ROBO1: variants seen among roughly 807,000 people sequenced by gnomAD.
ROBO1 encodes roundabout guidance receptor 1, also known as roundabout homolog 1.
In ROBO1, 149 loss-of-function variants were observed where a neutral mutation model predicts 195.9. The ratio of observed to expected loss-of-function variants is 0.76; its 90% CI spans 0.67 to 0.87. The LOEUF (loss-of-function observed/expected upper bound fraction) is 0.87, where lower values mean the gene tolerates loss of function less well. ROBO1 is among the 40% of genes least tolerant of loss of function. The pLI is 0.00. For missense variants in ROBO1, 1,933 were observed against 2,068.3 expected, an observed-to-expected ratio of 0.93 and a Z score of 1.27; for synonymous variants, 816 against 733.2, an observed-to-expected ratio of 1.11 and a Z score of -1.82.
intron 4 of ROBO1, among the ~76,000 whole-genome samples, chr3:78,889,506 C>CT (rs1301684428): frequency 6.6e-6 from 1 of 152,150 alleles, no homozygotes; most frequent in Non-Finnish European, 1.5e-5. Context: ...TAGACACAGT[C>CT]TTACAGTGAT....
rs187300337 is a variant in ROBO1, at chr3:79,026,286, T to C, written c.173-87359A>G. On this transcript the variant is annotated intron_variant, in intron 3 of 30. Transcript: ENST00000464233. ...CAATTATTTTTATTATCTCATTTTA[T>C]ACATGAAGGGTAAGCATAAATTTGA... 8.5e-5 allele frequency among the ~76,000 whole-genome samples: 13 copies of C among 152,252 alleles called. No homozygotes were observed. The Middle Eastern group carries it at 0.01, about 120-fold the overall frequency.
rs1249641265 is a variant in ROBO1, at chr3:78,968,335, T to C, written c.173-29408A>G. ...TGTCTCCCAGGCTGGAATGCAGTGG[T>C]GCGATCTTGGCTCACTGCAACCTCT... On this transcript the variant is annotated intron_variant, in intron 3 of 30. Coordinates refer to ENST00000464233, the MANE Select transcript of ROBO1 (RefSeq NM_002941.4). 3.4e-5 allele frequency among the ~76,000 whole-genome samples: 5 copies of C among 147,930 alleles called. No homozygotes were observed. In the South Asian group the frequency reaches 8.7e-4, roughly 26 times the overall value.
chr3:79,164,517 C>T (rs149688854), intron 2 of ROBO1, among the ~76,000 whole-genome samples: 7 of 152,238 alleles, frequency 4.6e-5, no homozygotes, highest in Non-Finnish European at 8.8e-5. Flanking sequence ...CATCTTGATC[C>T]AGCCCACCAT....
intron 1 of ROBO1, among the ~76,000 whole-genome samples, chr3:79,686,638 T>C (rs1230019488): frequency 6.6e-6 from 1 of 151,952 alleles, no homozygotes; most frequent in Non-Finnish European, 1.5e-5. Flanking sequence ...GAGAATAAAA[T>C]ACCTAGGAAT....
intron 28 of ROBO1, among the ~76,000 whole-genome samples, chr3:78,608,020 T>TAC (rs56715450): frequency 0.32 from 47,716 of 149,702 alleles, 7,934 homozygotes; most frequent in Admixed American, 0.4. Flanking sequence ...TAATTTCATT[T>TAC]ACACACACAC....
At chr3:78,901,449 A>C (rs1054264213) in intron 4 of ROBO1, among the ~76,000 whole-genome samples, 1 of 152,220 alleles carries the variant, frequency 6.6e-6, no homozygotes, top group Non-Finnish European at 1.5e-5. Context: ...TTTACTTTAA[A>C]ATATAGTAAA....
chr3:78,718,577 A>T (rs1479688719), intron 5 of ROBO1, among the ~76,000 whole-genome samples: 3 of 152,052 alleles, frequency 2.0e-5, no homozygotes, highest in Non-Finnish European at 4.4e-5. Context: ...ATGTAAGCAG[A>T]CATACAGTAT....
At chr3:79,496,212 C>CAAAA (rs751339145) in intron 2 of ROBO1, among the ~76,000 whole-genome samples, 5 of 56,240 alleles carry the variant, frequency 8.9e-5, no homozygotes, top group Admixed American at 2.2e-4. Context: ...GACTCTGTCT[C>CAAAA]AAAAAAAAAA....
chr3:79,686,905 G>A (rs1947132974), intron 1 of ROBO1, among the ~76,000 whole-genome samples: 1 of 152,080 alleles, frequency 6.6e-6, no homozygotes, highest in Non-Finnish European at 1.5e-5. Context: ...AGCCCACATT[G>A]CCAAGTCAAT....
chr3:79,144,154 G>C (rs2080592393), intron 2 of ROBO1, among the ~76,000 whole-genome samples: 1 of 151,976 alleles, frequency 6.6e-6, no homozygotes, highest in Admixed American at 6.6e-5. Flanking sequence ...GAATAAAGCT[G>C]CTATAAATAT....
At chr3:79,330,638 C>T in intron 2 of ROBO1, among the ~76,000 whole-genome samples, 1 of 137,484 alleles carries the variant, frequency 7.3e-6, no homozygotes. Context: ...TATGGCCTGC[C>T]AAGCCTAAAA....
intron 2 of ROBO1, among the ~76,000 whole-genome samples, chr3:79,474,429 G>T (rs1218892514): frequency 1.3e-5 from 2 of 152,024 alleles, no homozygotes; most frequent in Non-Finnish European, 2.9e-5. Context: ...ATATGCCTCA[G>T]TTCCTTCCTT....
intron 1 of ROBO1, among the ~76,000 whole-genome samples, chr3:79,723,053 G>C (rs1484171690): frequency 6.6e-6 from 1 of 152,136 alleles, no homozygotes; most frequent in Non-Finnish European, 1.5e-5. Context: ...CATGAACCAT[G>C]GCTATTTTTG....
intron 4 of ROBO1, among the ~76,000 whole-genome samples, chr3:78,788,429 T>TC (rs1369854813): frequency 2.8e-5 from 3 of 106,820 alleles, no homozygotes; most frequent in Non-Finnish European, 6.1e-5. Flanking sequence ...CTCTTTTCTT[T>TC]TTTTTTTTTT....
chr3:79,318,009 A>T (rs1249144651), intron 2 of ROBO1, among the ~76,000 whole-genome samples: 2 of 152,198 alleles, frequency 1.3e-5, no homozygotes, highest in Non-Finnish European at 2.9e-5. Context: ...CCAATGTCCT[A>T]GTCTGAGTCC....
At chr3:79,448,632 T>C (rs1488899701) in intron 2 of ROBO1, among the ~76,000 whole-genome samples, 1 of 152,200 alleles carries the variant, frequency 6.6e-6, no homozygotes, top group Non-Finnish European at 1.5e-5. Flanking sequence ...CTCACCGCGA[T>C]ATGAGCTTGA....
At chr3:79,229,728 T>A (rs981336631) in intron 2 of ROBO1, among the ~76,000 whole-genome samples, 2 of 152,162 alleles carry the variant, frequency 1.3e-5, no homozygotes, top group Non-Finnish European at 2.9e-5. Flanking sequence ...CCAGTGCTCA[T>A]GTTTGAAAGT....
chr3:79,485,020 G>A (rs1389423232), intron 2 of ROBO1, among the ~76,000 whole-genome samples: 1 of 151,846 alleles, frequency 6.6e-6, no homozygotes, highest in African/African-American at 2.4e-5. Context: ...CCAAAGTGCT[G>A]GGATTACAGG....
intron 3 of ROBO1, among the ~76,000 whole-genome samples, chr3:78,942,653 G>C (rs555789029): frequency 6.6e-6 from 1 of 152,254 alleles, no homozygotes; most frequent in African/African-American, 2.4e-5. Flanking sequence ...GCTGTCAATT[G>C]TATATCCTTA....
Sources: allele counts gnomAD v4.1 joint callset (sites outside exome capture counted in the v4.1 genomes callset), GRCh38; gene constraint gnomAD v4.1.1; transcripts MANE v1.5; gene names NCBI Gene and HGNC (gene_info 2026-07-23, HGNC 2026-07-21).